Variants in UGGT1 observed in about 807,000 individuals in gnomAD.
UGGT1 encodes the protein UDP-glucose:glycoprotein glucosyltransferase 1.
In UGGT1, 107 loss-of-function variants were observed where a neutral mutation model predicts 203.9. That is an observed-to-expected ratio of 0.52 (90% CI 0.45 to 0.62). The LOEUF is 0.62. Among genes scored for constraint, UGGT1 ranks in the 20% least tolerant of loss-of-function variants. UGGT1 has a pLI of 0.00. For synonymous variants in UGGT1, 628 were observed against 653.5 expected, an observed-to-expected ratio of 0.96 and a Z score of 0.59; for missense variants, 1,673 against 1,867.2, an observed-to-expected ratio of 0.90 and a Z score of 1.92.
intron 8 of UGGT1, among the ~76,000 whole-genome samples, chr2:128,117,985 T>A (rs373377440): frequency 1.4e-5 from 2 of 144,484 alleles, no homozygotes; most frequent in African/African-American, 5.3e-5. Context: ...TGTCTGTGTG[T>A]GTGTGTGTGA....
At chr2:128,153,053 GCACCTTT>G in intron 19 of UGGT1, 149 bp downstream of exon 19, 1 of 1,117,578 alleles carries the variant, frequency 8.9e-7, no homozygotes, top group Non-Finnish European at 1.2e-6. Flanking sequence ...TAAACTCTTT[GCACCTTT>G]AGTTCATAAT....
intron 39 of UGGT1, 28 bp from the exon 40 acceptor site, chr2:128,187,421 G>C: frequency 6.2e-7 from 1 of 1,605,492 alleles, no homozygotes; most frequent in Non-Finnish European, 8.5e-7. Flanking sequence ...CTTCAACTCA[G>C]CTGAAGTGTG....
rs556161367 is a variant in UGGT1 at position 128,156,186 on chromosome 2, T to G, written c.2237-206T>G. Among the ~76,000 whole-genome samples, 11 of 152,340 alleles carry G rather than the reference T, an allele frequency of 7.2e-5. No homozygotes were observed. In the East Asian group the frequency reaches 2.1e-3, roughly 29 times the overall value. ...GAGAAGTTCTGGTTTCTCAGCTGTA[T>G]GTAAAGTACAAGCAATTACTCCATT... is the stretch of plus-strand genomic sequence containing the variant. On this transcript the variant is annotated intron_variant, in intron 20 of 40. Transcript: ENST00000259253.
At position 128,178,716 on chromosome 2, in the gene UGGT1, A is replaced by C. The variant is rs115568497; in HGVS notation, c.3815+147A>C. 4.2e-6 allele frequency: 3 copies of C among 714,352 alleles called. No individual in the cohort carries two copies. In the Admixed American group the frequency reaches 8.8e-5, roughly 21 times the overall value. 44.3% of individuals were successfully genotyped at this position (714,352 alleles called of 1,614,324 possible). On this transcript the variant is annotated intron_variant, in intron 34 of 40. Coordinates refer to ENST00000259253, the MANE Select transcript of UGGT1 (RefSeq NM_020120.4). ...CATTGTGACTGGCTTGCCATTTATC[A>C]TTGGATTTGTTTTGATCCCGCCGTC...
Position 128,133,221 on chromosome 2 carries a change from T to C in UGGT1, c.1458T>C (p.Pro486=), listed in dbSNP as rs1486490623. Residue 486 remains proline, a synonymous_variant, in exon 14 of 41, where the codon CCT becomes CCC. Transcript: ENST00000259253. ...SLQELLRPTF[P]GVIRQIRKNL... is the part of the protein sequence containing the mutation. Reference sequence around the variant, plus strand: ...AAGAGTTGCTTCGACCCACCTTTCCTGGTGTTATTCGGCAGATCAGGAAAA... The same window carrying C: ...AAGAGTTGCTTCGACCCACCTTTCCCGGTGTTATTCGGCAGATCAGGAAAA... 3.1e-6 allele frequency: 5 copies of C among 1,614,074 alleles called. No homozygotes were observed. The highest frequency in any genetic ancestry group is 4.2e-6 in the Non-Finnish European group (5 of 1,179,942).
chr2:128,113,644 A>AT (rs1687967305), intron 6 of UGGT1, among the ~76,000 whole-genome samples: 1 of 152,126 alleles, frequency 6.6e-6, no homozygotes, highest in African/African-American at 2.4e-5. Context: ...GATTTTCTAA[A>AT]CAGGCGATTC....
At chr2:128,171,055 G>A (rs1691072037) in intron 27 of UGGT1, 150 bp from the exon 28 acceptor site, 3 of 690,006 alleles carry the variant, frequency 4.3e-6, no homozygotes, top group Non-Finnish European at 7.3e-6. Flanking sequence ...AGATTGTGCA[G>A]TAGAGTTGTG....
At chr2:128,172,350 C>T (rs939727430) in intron 28 of UGGT1, among the ~76,000 whole-genome samples, 1 of 152,204 alleles carries the variant, frequency 6.6e-6, no homozygotes, top group Non-Finnish European at 1.5e-5. Flanking sequence ...CACCACTGAG[C>T]ACTCCTCCTC....
chr2:128,181,324 A>G (rs1691678553), intron 36 of UGGT1, among the ~76,000 whole-genome samples: 1 of 152,174 alleles, frequency 6.6e-6, no homozygotes, highest in African/African-American at 2.4e-5. Flanking sequence ...GACTTAATTC[A>G]TTTAACATGA....
In UGGT1 at chr2:128,129,105, C is replaced by T; in HGVS notation, c.1303C>T (p.His435Tyr). ...HRLGIEGLSL[H>Y]NVLKLNIQPS... ...ATTGGGAATAGAAGGCCTTTCTCTG[C>T]ATAATGTTTTGAAGCTGAACATCCA... Residue 435 changes from histidine to tyrosine, a missense_variant, in exon 13 of 41, where the codon CAT (histidine) becomes TAT (tyrosine). Transcript: ENST00000259253. The T allele has an allele frequency of 1.2e-6, 2 of 1,614,060 alleles. No homozygotes were observed. The highest frequency in any genetic ancestry group is 1.7e-6 in the Non-Finnish European group (2 of 1,179,996).
At chr2:128,110,568 T>C (rs1687801080) in intron 5 of UGGT1, among the ~76,000 whole-genome samples, 1 of 152,188 alleles carries the variant, frequency 6.6e-6, no homozygotes, top group South Asian at 2.1e-4. Context: ...GAAACAAAAT[T>C]GATGGCTTTG....
chr2:128,121,185 T>C lies in UGGT1; in HGVS notation c.974-14T>C. On this transcript the variant is annotated splice_polypyrimidine_tract_variant and intron_variant, in intron 9 of 40. Coordinates refer to ENST00000259253, the MANE Select transcript of UGGT1 (RefSeq NM_020120.4). ...AGATTAATCCACTTTTAATTATATT[T>C]GACATTGTTGCAGATCTCAGTTTCC... The C allele has an allele frequency of 6.2e-7, 1 of 1,612,970 alleles. No homozygotes were observed.
intron 8 of UGGT1, among the ~76,000 whole-genome samples, chr2:128,118,190 C>T (rs889621522): frequency 5.9e-5 from 9 of 152,112 alleles, no homozygotes; most frequent in African/African-American, 2.2e-4. Context: ...CATTTCTTCT[C>T]GTTTAACATC....
intron 7 of UGGT1, among the ~76,000 whole-genome samples, chr2:128,115,483 T>TAA (rs55952659): frequency 2.5e-5 from 3 of 121,754 alleles, no homozygotes; most frequent in African/African-American, 6.1e-5. Flanking sequence ...TTTCATGTAC[T>TAA]AAAAAAAAAA....
At chr2:128,121,105 C>G in intron 9 of UGGT1, 94 bp from the exon 10 acceptor site, 1 of 1,176,526 alleles carries the variant, frequency 8.5e-7, no homozygotes, top group South Asian at 1.3e-5. Context: ...TTCTTAATTA[C>G]CATGAAAAGA....
intron 15 of UGGT1, among the ~76,000 whole-genome samples, chr2:128,138,039 C>T (rs1573555094): frequency 6.6e-6 from 1 of 152,248 alleles, no homozygotes; most frequent in Admixed American, 6.5e-5. Context: ...CAATCCCCCC[C>T]TTTCTGTTTA....
chr2:128,122,116 C>T (rs1226401309), intron 10 of UGGT1, among the ~76,000 whole-genome samples: 1 of 152,108 alleles, frequency 6.6e-6, no homozygotes, highest in Non-Finnish European at 1.5e-5. Context: ...AATCCCAGCA[C>T]TTTGGGAGGC....
intron 35 of UGGT1, among the ~76,000 whole-genome samples, chr2:128,180,302 A>G (rs1691624887): frequency 6.6e-6 from 1 of 152,236 alleles, no homozygotes; most frequent in Non-Finnish European, 1.5e-5. Context: ...TGCATTACTT[A>G]TATCAGTCAG....
chr2:128,112,609 G>T (rs1255135015), intron 5 of UGGT1, among the ~76,000 whole-genome samples: 19 of 144,202 alleles, frequency 1.3e-4, no homozygotes, highest in Non-Finnish European at 2.7e-4. Context: ...TTGAGACAGG[G>T]TCCCGTTCTG....
Sources: gnomAD v4.1 joint callset for allele counts (sites outside exome capture counted in the v4.1 genomes callset) on GRCh38, gnomAD v4.1.1 for gene constraint, MANE v1.5 for transcripts, NCBI Gene and HGNC (gene_info 2026-07-23, HGNC 2026-07-21) for gene names.